POLA2: variants seen among roughly 807,000 people sequenced by gnomAD.
POLA2 encodes DNA polymerase alpha 2, accessory subunit, also known as DNA polymerase alpha subunit B.
Under a neutral mutation model 82.8 loss-of-function variants are expected in POLA2, and 47 were observed. That is an observed-to-expected ratio of 0.57 (90% confidence interval 0.45 to 0.72). The LOEUF is 0.72. POLA2 is among the 30% of genes least tolerant of loss of function. The pLI is 0.00. For missense variants in POLA2, 634 were observed against 728.1 expected (o/e 0.87, Z 1.49); for synonymous variants, 287 against 286.8 (o/e 1.00, Z -0.01).
chr11:65,292,750 T>G (rs909756997), intron 13 of POLA2, among the ~76,000 whole-genome samples: 4 of 152,210 alleles, frequency 2.6e-5, no homozygotes. Flanking sequence ...CCACAAACAG[T>G]GATAAGGGTG....
chr11:65,266,771 T>C, intron 2 of POLA2, 65 bp downstream of exon 2: 1 of 1,557,886 alleles, frequency 6.4e-7, no homozygotes, highest in Non-Finnish European at 8.8e-7. Context: ...GGGGAGGCAT[T>C]GTGATATATT....
intron 10 of POLA2, among the ~76,000 whole-genome samples, chr11:65,285,078 T>C (rs1949682080): frequency 6.6e-6 from 1 of 152,046 alleles, no homozygotes; most frequent in Non-Finnish European, 1.5e-5. Context: ...GAGAGCAGCC[T>C]GGGCAACATG....
Position 65,262,239 on chromosome 11 carries a change from G to A in POLA2, c.-54G>A. 10 of 1,460,284 alleles carry A rather than the reference G, an allele frequency of 6.8e-6. No homozygotes were observed. The highest frequency in any genetic ancestry group is 9.5e-6 in the Non-Finnish European group (10 of 1,051,930). 90.5% of individuals were successfully genotyped at this position (1,460,284 alleles called of 1,614,324 possible). ...CGCTCGCCACCCCCGTGGGCTTCTTGGGCGCAGGTCGGAGCTGGGTGGGCC... is the reference window on the plus strand; with the variant it reads ...CGCTCGCCACCCCCGTGGGCTTCTTAGGCGCAGGTCGGAGCTGGGTGGGCC... On this transcript the variant is annotated 5_prime_UTR_variant, in exon 1 of 18. Coordinates refer to ENST00000265465, the MANE Select transcript of POLA2 (RefSeq NM_002689.4).
intron 10 of POLA2, among the ~76,000 whole-genome samples, chr11:65,284,067 A>G (rs1397514820): frequency 6.6e-6 from 1 of 151,936 alleles, no homozygotes; most frequent in Non-Finnish European, 1.5e-5. Context: ...CTGGGAAGTC[A>G]AGGCTACAGT....
chr11:65,292,705 G>C (rs1269191258), intron 13 of POLA2, among the ~76,000 whole-genome samples: 12 of 152,206 alleles, frequency 7.9e-5, no homozygotes, highest in Non-Finnish European at 1.8e-4. Context: ...CTGATTTTCT[G>C]TTATAGACAT....
intron 17 of POLA2, among the ~76,000 whole-genome samples, 174 bp from the exon 18 acceptor site, chr11:65,296,946 C>A (rs1949816775): frequency 7.3e-6 from 1 of 136,964 alleles, no homozygotes; most frequent in African/African-American, 2.9e-5. Context: ...GAGACTCCAT[C>A]TCAAAAAAAA....
chr11:65,279,040 A>C, intron 6 of POLA2, 117 bp downstream of exon 6: 2 of 817,966 alleles, frequency 2.4e-6, no homozygotes, highest in Non-Finnish European at 3.8e-6. Context: ...TCAATGTATG[A>C]GTTGGTAGAT....
Position 65,282,493 on chromosome 11 carries a change from A to C in POLA2, c.978A>C (p.Pro326=), listed in dbSNP as rs1949651344. The part of the protein sequence containing the change: ...ATKLYEGVPL[P]FYQPTEEDAD... ...CCTGTTTTTAGGGTGTGCCACTTCCATTTTATCAGCCCACTGAAGAGGATG... is the reference window on the plus strand; with the variant it reads ...CCTGTTTTTAGGGTGTGCCACTTCCCTTTTATCAGCCCACTGAAGAGGATG... The change falls in exon 10 of 18, where the codon CCA becomes CCC. Residue 326 remains proline, a synonymous_variant. Coordinates refer to ENST00000265465, the MANE Select transcript of POLA2 (RefSeq NM_002689.4). The C allele has an allele frequency of 6.2e-7, 1 of 1,613,730 alleles. No individual in the cohort carries two copies. The highest frequency in any genetic ancestry group is 1.1e-5 in the South Asian group (1 of 91,062).
chr11:65,292,836 A>G (rs1949769419), intron 13 of POLA2, among the ~76,000 whole-genome samples: 2 of 152,208 alleles, frequency 1.3e-5, no homozygotes, highest in African/African-American at 4.8e-5. Flanking sequence ...TAAGCAAGAG[A>G]CAGAGATGGA....
At chr11:65,283,132 TA>T (rs1237788857) in intron 10 of POLA2, among the ~76,000 whole-genome samples, 3 of 152,078 alleles carry the variant, frequency 2.0e-5, no homozygotes, top group Non-Finnish European at 4.4e-5. Context: ...CTCTGACTCT[TA>T]AAAAAAATTA....
chr11:65,301,710 C>T (rs183615627), downstream of POLA2, among the ~76,000 whole-genome samples: 44 of 151,954 alleles, frequency 2.9e-4, no homozygotes, highest in African/African-American at 9.4e-4. Context: ...GGCCTGGGGG[C>T]AGGGGAGGGA....
At position 65,266,566 on chromosome 11, in the gene POLA2, A is replaced by G. The variant is rs766600086; in HGVS notation, c.80-16A>G. 1.6e-5 allele frequency: 25 copies of G among 1,612,838 alleles called. No individual in the cohort carries two copies. Among genetic ancestry groups the G allele is most frequent in the Non-Finnish European group, 1.8e-5 (21 of 1,179,450 alleles). On this transcript the variant is annotated splice_polypyrimidine_tract_variant and intron_variant, in intron 1 of 17. Coordinates refer to ENST00000265465, the MANE Select transcript of POLA2 (RefSeq NM_002689.4). ...AATGAACTAAGTTTTTACTTGTCCAATTTTCCTTTCTACAGTGGTAGAGCT... is the reference window on the plus strand; with the variant it reads ...AATGAACTAAGTTTTTACTTGTCCAGTTTTCCTTTCTACAGTGGTAGAGCT...
At position 65,267,489 on chromosome 11, in the gene POLA2, A is replaced by T. The variant is rs897405963; in HGVS notation, c.217A>T (p.Arg73Ter). 6.2e-7 allele frequency: 1 copy of T among 1,609,212 alleles called. No homozygotes were observed. The highest frequency in any genetic ancestry group is 8.5e-7 in the Non-Finnish European group (1 of 1,177,550). ...TTTTCTTTTTCAGTTTCTGAGCAAAAGATTATCGAAAGCCAGGCATAGTAC... is the reference window on the plus strand; with the variant it reads ...TTTTCTTTTTCAGTTTCTGAGCAAATGATTATCGAAAGCCAGGCATAGTAC... Reference protein sequence around the residue: ...NSFEHEFLSKRLSKARHSTCK... With the variant: ...NSFEHEFLSK Residue 73 changes from arginine (R) to a stop codon, truncating the protein, a stop_gained, in exon 3 of 18, where the codon AGA (arginine) becomes TGA (stop). Transcript: ENST00000265465. LOFTEE classifies it high-confidence loss of function.
At chr11:65,268,196 G>A (rs954782818) in intron 3 of POLA2, among the ~76,000 whole-genome samples, 2 of 152,008 alleles carry the variant, frequency 1.3e-5, no homozygotes, top group African/African-American at 2.4e-5. Flanking sequence ...TTGAACCTGG[G>A]ATGTGGAAGT....
At chr11:65,294,687 C>T in intron 15 of POLA2, 35 bp downstream of exon 15, 1 of 1,400,016 alleles carries the variant, frequency 7.1e-7, no homozygotes, top group Non-Finnish European at 1.0e-6. Context: ...AGCAGGATGA[C>T]TGGCTTTCTG....
chr11:65,262,900 TTTACAGA>T (rs1949414438), intron 1 of POLA2, among the ~76,000 whole-genome samples: 1 of 152,152 alleles, frequency 6.6e-6, no homozygotes. Flanking sequence ...TTTAGGGAGC[TTTACAGA>T]TGGAGAAACA....
chr11:65,276,669 A>C (rs892345393), intron 5 of POLA2, among the ~76,000 whole-genome samples: 8 of 152,178 alleles, frequency 5.3e-5, no homozygotes, highest in Non-Finnish European at 1.5e-5. Flanking sequence ...TTTCCACATC[A>C]AGATGAGGCT....
chr11:65,273,475 C>T (rs1470226923), intron 4 of POLA2, among the ~76,000 whole-genome samples: 1 of 152,138 alleles, frequency 6.6e-6, no homozygotes, highest in African/African-American at 2.4e-5. Flanking sequence ...ACTAGAACAC[C>T]AGACTGTGCC....
intron 13 of POLA2, among the ~76,000 whole-genome samples, chr11:65,292,129 C>T (rs1447212484): frequency 6.6e-6 from 1 of 152,188 alleles, no homozygotes; most frequent in Non-Finnish European, 1.5e-5. Flanking sequence ...GTCTCAGCTA[C>T]TCGGGAGGCT....
Sources: gnomAD v4.1 joint callset for allele counts (sites outside exome capture counted in the v4.1 genomes callset) on GRCh38, gnomAD v4.1.1 for gene constraint, MANE v1.5 for transcripts, NCBI Gene and HGNC (gene_info 2026-07-23, HGNC 2026-07-21) for gene names.